The following KCNK1 variants were observed in gnomAD, a reference collection of about 807,000 sequenced individuals.
The protein encoded by KCNK1 is potassium two pore domain channel subfamily K member 1, also known as potassium channel subfamily K member 1.
In KCNK1, 10 loss-of-function variants were observed where a neutral mutation model predicts 22.2. The observed-to-expected ratio is 0.45, with a 90% CI of 0.28 to 0.76. KCNK1 has a LOEUF of 0.76. KCNK1 is among the 30% of genes least tolerant of loss of function. The pLI is 0.14. For missense variants in KCNK1, 378 were observed against 421.0 expected, an observed-to-expected ratio of 0.90 and a Z score of 0.89; for synonymous variants, 200 against 186.4, an observed-to-expected ratio of 1.07 and a Z score of -0.60.
chr1:233,669,275 T>C (rs1658554615), intron 2 of KCNK1, among the ~76,000 whole-genome samples: 1 of 152,258 alleles, frequency 6.6e-6, no homozygotes, highest in African/African-American at 2.4e-5. Flanking sequence ...TTTTCTCTTA[T>C]ATAAATTGTC....
chr1:233,623,269 C>T (rs1412548296), intron 1 of KCNK1, among the ~76,000 whole-genome samples: 1 of 150,638 alleles, frequency 6.6e-6, no homozygotes, highest in Non-Finnish European at 1.5e-5. Context: ...ATGGAGCATA[C>T]TAGCATCTGG....
intron 1 of KCNK1, among the ~76,000 whole-genome samples, chr1:233,657,728 G>C (rs1239670272): frequency 6.6e-6 from 1 of 151,768 alleles, no homozygotes; most frequent in African/African-American, 2.4e-5. Flanking sequence ...GAGAGAGAGA[G>C]AAAGACAGCC....
At chr1:233,637,939 C>T (rs187006564) in intron 1 of KCNK1, among the ~76,000 whole-genome samples, 2 of 151,574 alleles carry the variant, frequency 1.3e-5, no homozygotes, top group East Asian at 3.9e-4. Context: ...TTAATATTTA[C>T]TATTTATCAT....
intron 1 of KCNK1, among the ~76,000 whole-genome samples, chr1:233,662,948 T>C (rs1352117068): frequency 6.6e-6 from 1 of 152,184 alleles, no homozygotes; most frequent in Non-Finnish European, 1.5e-5. Flanking sequence ...TGTAATGGAG[T>C]TAAATATGAT....
chr1:233,660,002 T>C (rs1658364448), intron 1 of KCNK1, among the ~76,000 whole-genome samples: 1 of 152,190 alleles, frequency 6.6e-6, no homozygotes, highest in Non-Finnish European at 1.5e-5. Context: ...TGTTTCAGAA[T>C]GGAGCCATCT....
rs2102877454 is a variant in KCNK1 at position 233,614,193 on chromosome 1, A to G, written c.22A>G (p.Ser8Gly). The G allele has an allele frequency of 6.2e-7, 1 of 1,606,544 alleles. No individual in the cohort carries two copies. Among genetic ancestry groups the G allele is most frequent in the East Asian group, 2.2e-5 (1 of 44,786 alleles). Residue 8 changes from serine to glycine, a missense_variant, in exon 1 of 3, where the codon AGC becomes GGC. Coordinates refer to ENST00000366621, the MANE Select transcript of KCNK1 (RefSeq NM_002245.4). ...GAAGATGCTGCAGTCCCTGGCCGGC[A>G]GCTCGTGCGTGCGCCTGGTGGAGCG... is the stretch of plus-strand genomic sequence containing the variant. MLQSLAGSSCVRLVERHR... is the reference protein window; with the variant it reads MLQSLAGGSCVRLVERHR...
At chr1:233,639,553 T>C (rs373064268) in intron 1 of KCNK1, among the ~76,000 whole-genome samples, 1 of 152,358 alleles carries the variant, frequency 6.6e-6, no homozygotes, top group East Asian at 1.9e-4. Flanking sequence ...GGCAAGAGTA[T>C]TTAAACTAGA....
Position 233,665,266 on chromosome 1 carries a change from A to G in KCNK1, c.356-1329A>G, listed in dbSNP as rs183991440. Among the ~76,000 whole-genome samples the G allele has an allele frequency of 9.8e-4, 150 of 152,348 alleles. 2 individuals carry two copies. Among genetic ancestry groups the G allele is most frequent in the African/African-American group, 3.4e-3 (142 of 41,580 alleles). On this transcript the variant is annotated intron_variant, in intron 1 of 2. Transcript: ENST00000366621. The stretch of plus-strand genomic sequence containing the variant: ...AAAATATTTTACAAGAAGTATTCTC[A>G]TGAGCGGTACAGAGTAAGAGATAAC...
chr1:233,649,379 T>C (rs1347169315), intron 1 of KCNK1, among the ~76,000 whole-genome samples: 5 of 152,214 alleles, frequency 3.3e-5, no homozygotes, highest in African/African-American at 9.6e-5. Context: ...TTTCAAGTTA[T>C]GTAGATGGAC....
At chr1:233,629,396 G>A (rs1558109830) in intron 1 of KCNK1, among the ~76,000 whole-genome samples, 1 of 152,062 alleles carries the variant, frequency 6.6e-6, no homozygotes, top group Non-Finnish European at 1.5e-5. Flanking sequence ...TTAAGGAAAG[G>A]GACATATACT....
intron 1 of KCNK1, chr1:233,650,082 C>G (rs1309376648): frequency 1.9e-6 from 1 of 531,262 alleles, no homozygotes; most frequent in Non-Finnish European, 3.9e-6. Context: ...TTGTAATATG[C>G]CACCTAGAAG....
intron 1 of KCNK1, among the ~76,000 whole-genome samples, chr1:233,637,028 C>T (rs568049021): frequency 1.6e-4 from 24 of 151,936 alleles, no homozygotes; most frequent in Non-Finnish European, 3.4e-4. Flanking sequence ...AACCCCATCT[C>T]TCCTAAAAAT....
intron 1 of KCNK1, among the ~76,000 whole-genome samples, chr1:233,634,237 C>T (rs572909661): frequency 2.7e-5 from 4 of 150,018 alleles, no homozygotes; most frequent in South Asian, 4.2e-4. Flanking sequence ...ACCCAGGAGG[C>T]GGAGGTTGAA....
chr1:233,625,978 AG>A (rs1657682116), intron 1 of KCNK1, among the ~76,000 whole-genome samples: 1 of 152,200 alleles, frequency 6.6e-6, no homozygotes, highest in South Asian at 2.1e-4. Flanking sequence ...TATCTGAGCT[AG>A]GGGAAAAGCA....
rs141128183 is a variant in KCNK1 at position 233,666,981 on chromosome 1, G to A, written c.742G>A (p.Gly248Arg). ...AAAATTCAGAGAGCTCTATAAGATT[G>A]GGATCACGTGTGAGTATTACAGCTC... ...NQKFRELYKIGITCYLLLGLI... is the reference protein window; with the variant it reads ...NQKFRELYKIRITCYLLLGLI... The change falls in exon 2 of 3, where the codon GGG becomes AGG. Residue 248 changes from glycine (G) to arginine (R), a missense_variant. Gly to Arg is a moderately radical substitution (Grantham distance 125). Transcript: ENST00000366621. 6.2e-7 allele frequency: 1 copy of A among 1,608,116 alleles called. No individual in the cohort carries two copies. The highest frequency in any genetic ancestry group is 8.5e-7 in the Non-Finnish European group (1 of 1,177,568).
At chr1:233,633,110 T>C (rs1657834595) in intron 1 of KCNK1, among the ~76,000 whole-genome samples, 1 of 151,550 alleles carries the variant, frequency 6.6e-6, no homozygotes, top group Admixed American at 6.6e-5. Context: ...GAGTGAATCA[T>C]ATGAAAATAG....
At chr1:233,644,262 G>A (rs1658051870) in intron 1 of KCNK1, among the ~76,000 whole-genome samples, 1 of 152,100 alleles carries the variant, frequency 6.6e-6, no homozygotes, top group Non-Finnish European at 1.5e-5. Context: ...CACCCAGAAG[G>A]CCCCAACTCC....
At chr1:233,647,092 T>C (rs1054786422) in intron 1 of KCNK1, among the ~76,000 whole-genome samples, 1 of 152,336 alleles carries the variant, frequency 6.6e-6, no homozygotes, top group Admixed American at 6.5e-5. Flanking sequence ...GAAGCAGATG[T>C]TTAATCTTCT....
chr1:233,625,154 C>G (rs1657665367), intron 1 of KCNK1, among the ~76,000 whole-genome samples: 1 of 152,126 alleles, frequency 6.6e-6, no homozygotes, highest in East Asian at 1.9e-4. Context: ...AAAGTATAAA[C>G]AGGTGTGTAA....
Sources: gnomAD v4.1 joint callset for allele counts (sites outside exome capture counted in the v4.1 genomes callset) on GRCh38, gnomAD v4.1.1 for gene constraint, MANE v1.5 for transcripts, NCBI Gene and HGNC (gene_info 2026-07-23, HGNC 2026-07-21) for gene names.